Variants in ITPR2 observed in about 807,000 individuals in gnomAD.
ITPR2 encodes inositol 1,4,5-trisphosphate receptor type 2.
In ITPR2, 207 loss-of-function variants were observed where a neutral mutation model predicts 317.1. That is an observed-to-expected ratio of 0.65 (90% confidence interval 0.58 to 0.73). The LOEUF (loss-of-function observed/expected upper bound fraction) is 0.73. Among genes scored for constraint, ITPR2 ranks in the 30% least tolerant of loss-of-function variants. The probability of loss-of-function intolerance (pLI) is 0.00; values close to 1 mark genes in which losing one functional copy is unlikely to be tolerated. For synonymous variants in ITPR2, 1,156 were observed against 1,149.1 expected (o/e 1.01, Z -0.12); for missense variants, 2,613 against 3,284.0 (o/e 0.80, Z 4.99).
chr12:26,763,879 T>G (rs1949677279), intron 2 of ITPR2, among the ~76,000 whole-genome samples: 1 of 151,996 alleles, frequency 6.6e-6, no homozygotes, highest in Non-Finnish European at 1.5e-5. Context: ...AGGTGGAAAT[T>G]TGGTATCCAT....
intron 36 of ITPR2, 148 bp downstream of exon 36, chr12:26,556,085 T>G (rs1944654654): frequency 9.8e-6 from 6 of 610,974 alleles, no homozygotes; most frequent in Non-Finnish European, 1.5e-5. Flanking sequence ...ATCAATTTAA[T>G]TATTCTGGCA....
intron 22 of ITPR2, among the ~76,000 whole-genome samples, chr12:26,629,838 C>T (rs973149441): frequency 2.6e-5 from 4 of 152,112 alleles, no homozygotes; most frequent in African/African-American, 9.7e-5. Flanking sequence ...CTGTACTCAG[C>T]TGGTTAATTC....
At chr12:26,412,822 C>T (rs146009889) in intron 51 of ITPR2, among the ~76,000 whole-genome samples, 66 of 152,162 alleles carry the variant, frequency 4.3e-4, no homozygotes, top group African/African-American at 1.5e-3. Flanking sequence ...AAGGCATGGA[C>T]CAGTCAGAGT....
At chr12:26,561,685 T>C (rs1944823147) in intron 35 of ITPR2, 77 bp downstream of exon 35, 3 of 1,188,506 alleles carry the variant, frequency 2.5e-6, no homozygotes, top group Middle Eastern at 2.8e-4. Context: ...TTTTAAACCA[T>C]ATTTTATTTA....
intron 55 of ITPR2, among the ~76,000 whole-genome samples, chr12:26,353,026 C>T (rs966151283): frequency 6.6e-6 from 1 of 152,148 alleles, no homozygotes; most frequent in Non-Finnish European, 1.5e-5. Flanking sequence ...CCCTTACTAG[C>T]GGAGATGGAG....
At chr12:26,580,960 A>G (rs1008176537) in intron 32 of ITPR2, among the ~76,000 whole-genome samples, 16 of 152,212 alleles carry the variant, frequency 1.1e-4, no homozygotes, top group African/African-American at 3.9e-4. Context: ...ACAGAAAAAC[A>G]TAGAGATAAA....
intron 9 of ITPR2, among the ~76,000 whole-genome samples, chr12:26,710,111 G>A (rs1948621018): frequency 6.6e-6 from 1 of 152,166 alleles, no homozygotes; most frequent in African/African-American, 2.4e-5. Context: ...GTGTGAACCT[G>A]TAGTCCCAGC....
intron 8 of ITPR2, among the ~76,000 whole-genome samples, chr12:26,712,452 C>A (rs2137024909): frequency 6.6e-6 from 1 of 152,296 alleles, no homozygotes; most frequent in East Asian, 1.9e-4. Flanking sequence ...TGAGGTCTTA[C>A]AAAACACTCC....
chr12:26,748,883 A>G (rs1047082833), intron 2 of ITPR2, among the ~76,000 whole-genome samples: 2 of 152,242 alleles, frequency 1.3e-5, no homozygotes, highest in African/African-American at 4.8e-5. Context: ...TGAAAAACCC[A>G]CAAGACAAGT....
At chr12:26,472,510 G>T (rs1206095797) in intron 45 of ITPR2, among the ~76,000 whole-genome samples, 1 of 150,356 alleles carries the variant, frequency 6.7e-6, no homozygotes, top group Non-Finnish European at 1.5e-5. Flanking sequence ...AAACAACTTC[G>T]ATATATCCAC....
At chr12:26,734,435 T>C (rs1331395973) in intron 2 of ITPR2, among the ~76,000 whole-genome samples, 1 of 152,138 alleles carries the variant, frequency 6.6e-6, no homozygotes, top group African/African-American at 2.4e-5. Context: ...CAAACACCTG[T>C]AACTATCAAT....
At chr12:26,420,667 T>C (rs1383174854) in intron 49 of ITPR2, among the ~76,000 whole-genome samples, 1 of 152,166 alleles carries the variant, frequency 6.6e-6, no homozygotes, top group Non-Finnish European at 1.5e-5. Flanking sequence ...CTGTTTAGTG[T>C]TTCATCATCA....
At chr12:26,771,621 T>C (rs990916627) in intron 2 of ITPR2, among the ~76,000 whole-genome samples, 1 of 152,130 alleles carries the variant, frequency 6.6e-6, no homozygotes, top group African/African-American at 2.4e-5. Context: ...TTCACACCAT[T>C]CTCCTGCCTC....
chr12:26,583,384 A>G (rs933687546), intron 32 of ITPR2, among the ~76,000 whole-genome samples: 1 of 151,968 alleles, frequency 6.6e-6, no homozygotes, highest in Non-Finnish European at 1.5e-5. Flanking sequence ...GCTCTTTTCA[A>G]TTGTCATTTC....
intron 37 of ITPR2, among the ~76,000 whole-genome samples, chr12:26,531,793 T>C (rs575561195): frequency 6.6e-6 from 1 of 152,128 alleles, no homozygotes; most frequent in Admixed American, 6.5e-5. Context: ...AAACAAAAAA[T>C]GATCAATCAT....
intron 21 of ITPR2, among the ~76,000 whole-genome samples, chr12:26,634,290 A>G (rs1287618878): frequency 6.6e-6 from 1 of 152,252 alleles, no homozygotes; most frequent in Non-Finnish European, 1.5e-5. Flanking sequence ...AGCTTCTAAT[A>G]TCCATTCCTC....
chr12:26,703,473 C>G (rs1948491670), intron 9 of ITPR2, among the ~76,000 whole-genome samples: 1 of 152,158 alleles, frequency 6.6e-6, no homozygotes, highest in Non-Finnish European at 1.5e-5. Flanking sequence ...TTACTGGTAT[C>G]TTGAACCCGA....
chr12:26,569,544 G>C (rs143332169), intron 34 of ITPR2, among the ~76,000 whole-genome samples: 8,665 of 125,792 alleles, frequency 0.069, 309 homozygotes, highest in Middle Eastern at 0.13. Context: ...GACAGAGCAA[G>C]ACTCTGTCTC....
intron 9 of ITPR2, among the ~76,000 whole-genome samples, chr12:26,706,543 AT>A (rs1187969535): frequency 6.6e-6 from 1 of 151,942 alleles, no homozygotes; most frequent in Non-Finnish European, 1.5e-5. Context: ...CCTCTTCCCC[AT>A]GTGCCTTACT....
Sources: allele counts gnomAD v4.1 joint callset (sites outside exome capture counted in the v4.1 genomes callset), GRCh38; gene constraint gnomAD v4.1.1; transcripts MANE v1.5; gene names NCBI Gene and HGNC (gene_info 2026-07-23, HGNC 2026-07-21).